Variants in CDH20 observed in about 807,000 individuals in gnomAD.
The protein encoded by CDH20 is cadherin-20.
Under a neutral mutation model 74.2 loss-of-function variants are expected in CDH20, and 29 were observed. The observed-to-expected ratio is 0.39, with a 90% CI of 0.29 to 0.53. The LOEUF is 0.53. Ranked by LOEUF, CDH20 falls within the 20% of genes least tolerant of loss-of-function variation. The pLI is 0.69. For synonymous variants in CDH20, 469 were observed against 405.4 expected, an observed-to-expected ratio of 1.16 and a Z score of -1.88; for missense variants, 988 against 1,048.3, an observed-to-expected ratio of 0.94 and a Z score of 0.79.
chr18:61,497,198 C>T (rs192774396), intron 2 of CDH20, among the ~76,000 whole-genome samples: 332 of 151,648 alleles, frequency 2.2e-3, no homozygotes, highest in African/African-American at 7.6e-3. Flanking sequence ...TAGAAAAAAG[C>T]CCACAACTAT....
At chr18:61,507,231 G>T in intron 5 of CDH20, 142 bp from the exon 6 acceptor site, 3 of 729,436 alleles carry the variant, frequency 4.1e-6, no homozygotes, top group Non-Finnish European at 6.8e-6. Flanking sequence ...CTGGACCTTA[G>T]TTTTTATCTG....
At chr18:61,476,920 C>T (rs544894623) in intron 1 of CDH20, among the ~76,000 whole-genome samples, 6 of 152,262 alleles carry the variant, frequency 3.9e-5, no homozygotes, top group South Asian at 4.2e-4. Context: ...ATTCAATGAT[C>T]TTATCAGAGG....
At chr18:61,460,071 G>A (rs1909716463) in intron 1 of CDH20, among the ~76,000 whole-genome samples, 2 of 151,952 alleles carry the variant, frequency 1.3e-5, no homozygotes, top group Non-Finnish European at 2.9e-5. Context: ...TCTAGAGGAG[G>A]ACACACTGGT....
intron 1 of CDH20, among the ~76,000 whole-genome samples, chr18:61,379,463 A>G (rs943954837): frequency 1.3e-5 from 2 of 152,236 alleles, no homozygotes; most frequent in African/African-American, 2.4e-5. Flanking sequence ...TACAGAATAT[A>G]CAAACTTAGA....
intron 8 of CDH20, among the ~76,000 whole-genome samples, chr18:61,538,588 G>GTTTTTTTTTTTTTTTTTT (rs1265851069): frequency 3.6e-5 from 2 of 55,124 alleles, no homozygotes; most frequent in Admixed American, 2.1e-4. Context: ...CTTTTTGTTT[G>GTTTTTTTTTTTTTTTTTT]TTTGTTTGTT....
chr18:61,500,314 A>C, intron 3 of CDH20, 69 bp from the exon 4 acceptor site: 2 of 1,514,518 alleles, frequency 1.3e-6, no homozygotes, highest in Non-Finnish European at 1.8e-6. Context: ...TTTAAGATGG[A>C]CCGCTCAGGA....
intron 1 of CDH20, among the ~76,000 whole-genome samples, chr18:61,423,261 T>C (rs1211996455): frequency 1.3e-5 from 2 of 152,186 alleles, no homozygotes; most frequent in Admixed American, 1.3e-4. Context: ...GAGGGCCCCC[T>C]GCCCTCTCAG....
intron 7 of CDH20, among the ~76,000 whole-genome samples, chr18:61,532,237 T>TGAGTCCATATAGGTGATGTGTGC (rs1243591116): frequency 1.3e-5 from 2 of 152,164 alleles, no homozygotes; most frequent in Admixed American, 6.5e-5. Flanking sequence ...AAAGATTAAA[T>TGAGTCCATATAGGTGATGTGTGC]GAGTCCATAT....
intron 4 of CDH20, 117 bp from the exon 5 acceptor site, chr18:61,502,836 T>C (rs926736223): frequency 2.7e-6 from 2 of 729,966 alleles, no homozygotes; most frequent in East Asian, 2.8e-5. Context: ...AAAGCACAGG[T>C]GACTTGCACC....
intron 1 of CDH20, among the ~76,000 whole-genome samples, chr18:61,484,799 A>G (rs1421202750): frequency 6.6e-6 from 1 of 151,072 alleles, no homozygotes. Context: ...CCCTACCATT[A>G]TACAAAACTA....
chr18:61,452,076 C>A (rs1305884307), intron 1 of CDH20, among the ~76,000 whole-genome samples: 1 of 152,020 alleles, frequency 6.6e-6, no homozygotes, highest in Non-Finnish European at 1.5e-5. Flanking sequence ...GCTGGTTATT[C>A]CAGATGAATT....
intron 1 of CDH20, among the ~76,000 whole-genome samples, chr18:61,370,988 A>AT (rs1911019489): frequency 6.6e-6 from 1 of 152,110 alleles, no homozygotes; most frequent in African/African-American, 2.4e-5. Flanking sequence ...ATTGATGGTA[A>AT]TAAAATCTAT....
intron 7 of CDH20, among the ~76,000 whole-genome samples, chr18:61,534,851 T>G (rs529965580): frequency 2.8e-4 from 42 of 152,244 alleles, no homozygotes; most frequent in Non-Finnish European, 2.5e-4. Context: ...TATTGTATAT[T>G]TCAAAATAGC....
At chr18:61,419,460 T>C (rs912083478) in intron 1 of CDH20, among the ~76,000 whole-genome samples, 11 of 152,186 alleles carry the variant, frequency 7.2e-5, no homozygotes, top group Admixed American at 7.2e-4. Flanking sequence ...AAATTACATA[T>C]AAACAAATGT....
chr18:61,373,508 AC>A (rs1032742627), intron 1 of CDH20, among the ~76,000 whole-genome samples: 6 of 152,002 alleles, frequency 3.9e-5, no homozygotes, highest in African/African-American at 1.2e-4. Context: ...CTGCCCCAAC[AC>A]CCACTCTGAT....
intron 1 of CDH20, among the ~76,000 whole-genome samples, chr18:61,410,520 G>A (rs1050157953): frequency 6.6e-6 from 1 of 152,154 alleles, no homozygotes; most frequent in African/African-American, 2.4e-5. Flanking sequence ...GCTTGAGGAA[G>A]TAACGCCATT....
At chr18:61,479,419 AT>A (rs1277164882) in intron 1 of CDH20, among the ~76,000 whole-genome samples, 1 of 152,150 alleles carries the variant, frequency 6.6e-6, no homozygotes, top group Non-Finnish European at 1.5e-5. Flanking sequence ...CAGTGGGGTA[AT>A]TGAGCTCTTA....
intron 5 of CDH20, among the ~76,000 whole-genome samples, chr18:61,506,988 A>C (rs147691503): frequency 4.6e-5 from 7 of 152,232 alleles, no homozygotes; most frequent in Non-Finnish European, 1.0e-4. Context: ...ATAAATACGC[A>C]CTTTGTGACC....
intron 1 of CDH20, among the ~76,000 whole-genome samples, chr18:61,452,108 A>G (rs979846483): frequency 1.3e-5 from 2 of 151,122 alleles, no homozygotes; most frequent in Admixed American, 6.6e-5. Flanking sequence ...AACAAAAAAC[A>G]CCCCCTCCCA....
Sources: allele counts gnomAD v4.1 joint callset (sites outside exome capture counted in the v4.1 genomes callset), GRCh38; gene constraint gnomAD v4.1.1; transcripts MANE v1.5; gene names NCBI Gene and HGNC (gene_info 2026-07-23, HGNC 2026-07-21).